The following PTPN12 variants were observed in gnomAD, a reference collection of about 807,000 sequenced individuals.
PTPN12 encodes the protein protein tyrosine phosphatase non-receptor type 12, also known as tyrosine-protein phosphatase non-receptor type 12.
PTPN12 carries 29 observed loss-of-function variants against 97.6 expected under a neutral mutation model. The ratio of observed to expected loss-of-function variants is 0.30; its 90% CI spans 0.22 to 0.41. The LOEUF (loss-of-function observed/expected upper bound fraction) is 0.41, where lower values mean the gene tolerates loss of function less well. PTPN12 is among the 10% of genes least tolerant of loss of function. The pLI is 1.00. For synonymous variants in PTPN12, 327 were observed against 300.4 expected, an observed-to-expected ratio of 1.09 and a Z score of -0.91; for missense variants, 819 against 926.0, an observed-to-expected ratio of 0.88 and a Z score of 1.50.
At chr7:77,557,676 A>C (rs1807785159) in intron 1 of PTPN12, among the ~76,000 whole-genome samples, 1 of 152,194 alleles carries the variant, frequency 6.6e-6, no homozygotes. Context: ...AGGGTCATAC[A>C]AGGCTTTATA....
intron 17 of PTPN12, 63 bp downstream of exon 17, chr7:77,638,794 A>G (rs757825061): frequency 3.5e-5 from 53 of 1,524,198 alleles, no homozygotes; most frequent in Non-Finnish European, 4.6e-5. Context: ...AGAAAAGCTC[A>G]TTTGCCATTG....
At chr7:77,599,797 A>G (rs1788136091) in intron 7 of PTPN12, among the ~76,000 whole-genome samples, 1 of 152,176 alleles carries the variant, frequency 6.6e-6, no homozygotes, top group African/African-American at 2.4e-5. Flanking sequence ...GAATTTGAGT[A>G]TGGTTTGCTT....
At chr7:77,567,085 C>T (rs866077373) in intron 1 of PTPN12, among the ~76,000 whole-genome samples, 19 of 150,610 alleles carry the variant, frequency 1.3e-4, no homozygotes, top group African/African-American at 2.2e-4. Flanking sequence ...GAATAGTGGT[C>T]GGGAAGTTAA....
intron 1 of PTPN12, among the ~76,000 whole-genome samples, chr7:77,548,592 C>T (rs1023818451): frequency 4.6e-5 from 7 of 152,162 alleles, no homozygotes; most frequent in Non-Finnish European, 8.8e-5. Context: ...TTTTATATGA[C>T]ATGATGCTGC....
chr7:77,571,319 GATA>G, intron 2 of PTPN12, 133 bp downstream of exon 2: 1 of 588,144 alleles, frequency 1.7e-6, no homozygotes, highest in Admixed American at 4.1e-5. Flanking sequence ...TACATGGAAA[GATA>G]ATAATTCATA....
In PTPN12 at chr7:77,537,478, G is replaced by A; in HGVS notation, c.-69G>A. ...CTGGGGGAACGAGCTGGGGAAGACGGAGCGGGCTCTGTGCCGGGCGGGCGG... is the reference window on the plus strand; with the variant it reads ...CTGGGGGAACGAGCTGGGGAAGACGAAGCGGGCTCTGTGCCGGGCGGGCGG... On this transcript the variant is annotated 5_prime_UTR_variant, in exon 1 of 18. Transcript: ENST00000248594. The A allele has an allele frequency of 6.7e-7, 1 of 1,487,754 alleles. No individual in the cohort carries two copies. The highest frequency in any genetic ancestry group is 9.0e-7 in the Non-Finnish European group (1 of 1,116,774). The allele number at this position is 1,487,754 out of a possible 1,614,324, so 92.2% of individuals were successfully genotyped here.
At chr7:77,553,283 A>G (rs187803381) in intron 1 of PTPN12, among the ~76,000 whole-genome samples, 154 of 152,330 alleles carry the variant, frequency 1.0e-3, no homozygotes, top group Middle Eastern at 3.4e-3. Flanking sequence ...TAGGTAGTCT[A>G]TAGACGTGCA....
At chr7:77,630,177 A>T (rs949110951) in intron 13 of PTPN12, among the ~76,000 whole-genome samples, 3 of 152,178 alleles carry the variant, frequency 2.0e-5, no homozygotes, top group Non-Finnish European at 2.9e-5. Flanking sequence ...ATGTGTTGCC[A>T]AATATTTACC....
chr7:77,623,089 A>G (rs1789004055), intron 12 of PTPN12, among the ~76,000 whole-genome samples: 1 of 152,026 alleles, frequency 6.6e-6, no homozygotes, highest in South Asian at 2.1e-4. Context: ...ACCAAGCTTG[A>G]TATACACCAC....
chr7:77,593,394 C>T lies in PTPN12; in HGVS notation c.492+1138C>T, dbSNP rs187349676. On this transcript the variant is annotated intron_variant, in intron 6 of 17. Transcript: ENST00000248594. ...TGTATACATTTAAGGAGATTTATTA[C>T]GAGGAATTGGCTCAGGCAGTTATGG... Among the ~76,000 whole-genome samples the T allele has an allele frequency of 1.2e-4, 18 of 152,214 alleles. No individual in the cohort carries two copies. The East Asian group carries it at 3.1e-3, about 26-fold the overall frequency.
chr7:77,560,594 TTC>T (rs1807954273), intron 1 of PTPN12, among the ~76,000 whole-genome samples: 1 of 152,170 alleles, frequency 6.6e-6, no homozygotes, highest in Non-Finnish European at 1.5e-5. Context: ...CTATTACACT[TTC>T]TGTCTGTATG....
intron 1 of PTPN12, among the ~76,000 whole-genome samples, chr7:77,550,305 C>T (rs1294157842): frequency 1.3e-5 from 2 of 151,614 alleles, no homozygotes; most frequent in Non-Finnish European, 2.9e-5. Flanking sequence ...TCATCTAATA[C>T]GGTAAATAGA....
At chr7:77,555,282 G>A (rs1224848660) in intron 1 of PTPN12, among the ~76,000 whole-genome samples, 1 of 146,478 alleles carries the variant, frequency 6.8e-6, no homozygotes, top group Admixed American at 6.9e-5. Flanking sequence ...CATTTATTCT[G>A]ATCAGTGTTC....
chr7:77,639,466 A>G lies in PTPN12; in HGVS notation c.*186A>G. The G allele has an allele frequency of 1.9e-6, 1 of 529,402 alleles. No homozygotes were observed. The highest frequency in any genetic ancestry group is 3.0e-5 in the East Asian group (1 of 33,672). 32.8% of individuals were successfully genotyped at this position (529,402 alleles called of 1,614,324 possible). On this transcript the variant is annotated 3_prime_UTR_variant, in exon 18 of 18. Transcript: ENST00000248594. The stretch of plus-strand genomic sequence containing the variant: ...TAGGAAAAAGTATTACATATGGTTT[A>G]TTTTGAAACTTCAAGTATTATTGCC...
intron 1 of PTPN12, among the ~76,000 whole-genome samples, chr7:77,548,229 C>T (rs913265578): frequency 6.6e-6 from 1 of 152,138 alleles, no homozygotes; most frequent in African/African-American, 2.4e-5. Flanking sequence ...ATTTAAAAAG[C>T]CTTCAGGACT....
chr7:77,551,152 C>T (rs1334712834), intron 1 of PTPN12, among the ~76,000 whole-genome samples: 1 of 152,180 alleles, frequency 6.6e-6, no homozygotes, highest in Non-Finnish European at 1.5e-5. Context: ...TCTCCGCCTC[C>T]TGGGTTCAAG....
chr7:77,574,980 T>C (rs7810891), intron 2 of PTPN12, among the ~76,000 whole-genome samples: 109,974 of 151,624 alleles, frequency 0.73, 41,354 homozygotes, highest in African/African-American at 0.91. Flanking sequence ...TACAAGCACC[T>C]GCCACCATGC....
At chr7:77,608,653 CTTAT>C (rs953513351) in intron 9 of PTPN12, among the ~76,000 whole-genome samples, 6 of 152,038 alleles carry the variant, frequency 3.9e-5, no homozygotes, top group Non-Finnish European at 7.4e-5. Flanking sequence ...CCTTCTTCCC[CTTAT>C]TTCTCTTTTT....
intron 5 of PTPN12, among the ~76,000 whole-genome samples, chr7:77,588,328 C>T (rs146198223): frequency 7.4e-4 from 112 of 152,108 alleles, no homozygotes; most frequent in Admixed American, 4.9e-3. Flanking sequence ...TATTGTGTCT[C>T]AGGAAATAGG....
Sources: gnomAD v4.1 joint callset for allele counts (sites outside exome capture counted in the v4.1 genomes callset) on GRCh38, gnomAD v4.1.1 for gene constraint, MANE v1.5 for transcripts, NCBI Gene and HGNC (gene_info 2026-07-23, HGNC 2026-07-21) for gene names.